The following FERMT2 variants were observed in gnomAD, a reference collection of about 807,000 sequenced individuals.
FERMT2 encodes fermitin family homolog 2.
FERMT2 carries 15 observed loss-of-function variants against 82.7 expected under a neutral mutation model. The observed-to-expected ratio is 0.18, with a 90% CI of 0.12 to 0.28. The LOEUF is 0.28. FERMT2 is among the 10% of genes least tolerant of loss of function. FERMT2 has a pLI of 1.00. For missense variants in FERMT2, 645 were observed against 809.4 expected (o/e 0.80, Z 2.46); for synonymous variants, 274 against 271.5 (o/e 1.01, Z -0.09).
intron 3 of FERMT2, among the ~76,000 whole-genome samples, chr14:52,901,702 G>A (rs1487277058): frequency 1.3e-5 from 2 of 152,188 alleles, no homozygotes; most frequent in Admixed American, 1.3e-4. Flanking sequence ...ACAAGCCAGA[G>A]GGAATCTTAG....
Position 52,874,191 on chromosome 14 carries a change from G to A in FERMT2, c.1134C>T (p.Tyr378=). ...DITSIPELAD[Y]IKVFKPKKLT... Reference sequence around the variant, plus strand: ...TTTGTACTTACTTGAAAACTTTAATGTAGTCAGCAAGTTCAGGAATGGAAG... The same window carrying A: ...TTTGTACTTACTTGAAAACTTTAATATAGTCAGCAAGTTCAGGAATGGAAG... Residue 378 remains tyrosine, a synonymous_variant, in exon 9 of 15, where the codon TAC becomes TAT. Transcript: ENST00000341590. 1 of 1,596,822 alleles carries A rather than the reference G, an allele frequency of 6.3e-7. No homozygotes were observed. The highest frequency in any genetic ancestry group is 8.5e-7 in the Non-Finnish European group (1 of 1,170,556).
At chr14:52,947,530 T>C (rs985848872) in intron 2 of FERMT2, among the ~76,000 whole-genome samples, 1 of 152,190 alleles carries the variant, frequency 6.6e-6, no homozygotes, top group Non-Finnish European at 1.5e-5. Context: ...TTTCAGATCT[T>C]TGAATTAAAG....
Position 52,860,533 on chromosome 14 carries a change from A to T in FERMT2, c.1603-68T>A, listed in dbSNP as rs143148232. ...TCTCATGGGAGAACTGAGACAAAAG[A>T]TCAAAAGATTGAATTACGCACCCCG... On this transcript the variant is annotated intron_variant, in intron 12 of 14. Coordinates refer to ENST00000341590, the MANE Select transcript of FERMT2 (RefSeq NM_006832.3). 2,075 of 1,442,270 alleles carry T rather than the reference A, an allele frequency of 1.4e-3. 16 individuals carry two copies. The African/African-American group carries it at 0.025, about 17-fold the overall frequency. The allele number at this position is 1,442,270 out of a possible 1,614,324, so 89.3% of individuals were successfully genotyped here. A position where few individuals can be genotyped will look rare whatever the true frequency, so the allele number is the denominator to read the frequency against.
chr14:52,925,081 G>A (rs1182247175), intron 2 of FERMT2, among the ~76,000 whole-genome samples: 3 of 152,082 alleles, frequency 2.0e-5, no homozygotes, highest in Non-Finnish European at 4.4e-5. Flanking sequence ...GAAACTAACA[G>A]TATCTCCATA....
intron 3 of FERMT2, among the ~76,000 whole-genome samples, chr14:52,896,542 T>C (rs1472054918): frequency 6.6e-6 from 1 of 152,258 alleles, no homozygotes; most frequent in Non-Finnish European, 1.5e-5. Flanking sequence ...ATTAGCTGTG[T>C]GACTCTGGAC....
intron 2 of FERMT2, among the ~76,000 whole-genome samples, chr14:52,924,627 G>C (rs1359108842): frequency 6.6e-6 from 1 of 152,106 alleles, no homozygotes; most frequent in African/African-American, 2.4e-5. Flanking sequence ...TGTGAGAGTG[G>C]AAATGACAAC....
chr14:52,939,239 G>GGAC (rs1450479462), intron 2 of FERMT2, among the ~76,000 whole-genome samples: 1 of 150,660 alleles, frequency 6.6e-6, no homozygotes, highest in Non-Finnish European at 1.5e-5. Flanking sequence ...AGGGCATGGT[G>GGAC]GTGCGTGCCT....
chr14:52,859,582 T>G lies in FERMT2; in HGVS notation c.1860A>C (p.Glu620Asp). The G allele has an allele frequency of 6.2e-7, 1 of 1,606,596 alleles. No homozygotes were observed. The highest frequency in any genetic ancestry group is 8.5e-7 in the Non-Finnish European group (1 of 1,176,326). The change falls in exon 14 of 15, where the codon GAA becomes GAC. Residue 620 changes from glutamate to aspartate, a missense_variant. Glu to Asp is a conservative substitution (Grantham distance 45). Transcript: ENST00000341590. ...ATTGTTATGAGTTTACCATTTTGAT[T>G]TCCCAGTTGACATTCCACTGTTTCA... ...SNMKQWNVNW[E>D]IKMVTVEFAD...
At chr14:52,894,080 G>A (rs770418992) in intron 3 of FERMT2, among the ~76,000 whole-genome samples, 2 of 152,020 alleles carry the variant, frequency 1.3e-5, no homozygotes, top group African/African-American at 2.4e-5. Flanking sequence ...CGCCTGCCTC[G>A]GCCTCTCAAG....
intron 2 of FERMT2, among the ~76,000 whole-genome samples, chr14:52,926,261 C>T (rs1889264449): frequency 1.3e-5 from 2 of 152,124 alleles, no homozygotes; most frequent in Admixed American, 1.3e-4. Flanking sequence ...TTGATATTCC[C>T]TGAATTTGCA....
At chr14:52,905,612 T>C (rs8008270) in intron 3 of FERMT2, among the ~76,000 whole-genome samples, 121,591 of 152,044 alleles carry the variant, frequency 0.8, 48,898 homozygotes, top group East Asian at 1. Flanking sequence ...CGAGACAAAA[T>C]GAACATTTCG....
intron 14 of FERMT2, 32 bp from the exon 15 acceptor site, chr14:52,858,582 C>G: frequency 6.2e-7 from 1 of 1,605,526 alleles, no homozygotes; most frequent in Non-Finnish European, 8.5e-7. Flanking sequence ...TCAGTGCTGT[C>G]CCAAATGCTA....
chr14:52,909,181 C>A (rs1470447126), intron 3 of FERMT2, among the ~76,000 whole-genome samples: 2 of 152,154 alleles, frequency 1.3e-5, no homozygotes, highest in East Asian at 1.9e-4. Flanking sequence ...AGGTTGAGCA[C>A]CCCTAACCTT....
intron 12 of FERMT2, chr14:52,863,809 C>T (rs554474543): frequency 2.0e-5 from 3 of 152,234 alleles, no homozygotes; most frequent in African/African-American, 7.2e-5. Flanking sequence ...ATGCTGGCTG[C>T]ACTTTATGTC....
chr14:52,950,278 G>A, intron 2 of FERMT2, 134 bp downstream of exon 2: 1 of 850,140 alleles, frequency 1.2e-6, no homozygotes, highest in Non-Finnish European at 1.9e-6. Context: ...AATACTGAAA[G>A]ATTTTACATC....
intron 3 of FERMT2, among the ~76,000 whole-genome samples, chr14:52,901,696 G>A (rs1441616697): frequency 6.6e-6 from 1 of 152,194 alleles, no homozygotes; most frequent in Non-Finnish European, 1.5e-5. Context: ...TAGCAGACAA[G>A]CCAGAGGGAA....
At chr14:52,872,658 T>C (rs1462632947) in intron 10 of FERMT2, 141 bp downstream of exon 10, 3 of 723,494 alleles carry the variant, frequency 4.1e-6, no homozygotes, top group Admixed American at 2.8e-5. Flanking sequence ...AAAAGAGACA[T>C]ATCTAAACAT....
At chr14:52,923,179 T>C (rs1889057719) in intron 2 of FERMT2, among the ~76,000 whole-genome samples, 1 of 150,114 alleles carries the variant, frequency 6.7e-6, no homozygotes, top group Admixed American at 6.7e-5. Flanking sequence ...ACATGGCTCC[T>C]GACTGTATTT....
chr14:52,899,087 G>T (rs892962576), intron 3 of FERMT2, among the ~76,000 whole-genome samples: 11 of 152,034 alleles, frequency 7.2e-5, no homozygotes, highest in Non-Finnish European at 1.5e-4. Context: ...AAAGAATATT[G>T]TTAAGTAGCT....
Sources: gnomAD v4.1 joint callset for allele counts (sites outside exome capture counted in the v4.1 genomes callset) on GRCh38, gnomAD v4.1.1 for gene constraint, MANE v1.5 for transcripts, NCBI Gene and HGNC (gene_info 2026-07-23, HGNC 2026-07-21) for gene names.